The following DHRSX variants were observed in gnomAD, a reference collection of about 807,000 sequenced individuals.
DHRSX encodes the protein polyprenol dehydrogenase.
Under a neutral mutation model 34.0 loss-of-function variants are expected in DHRSX, and 31 were observed. The observed-to-expected ratio is 0.91, with a 90% CI of 0.69 to 1.23. The LOEUF is 1.23. Among genes scored for constraint, DHRSX ranks in the 50% most tolerant of loss-of-function variants. The probability of loss-of-function intolerance (pLI) is 0.00; values close to 1 mark genes in which losing one functional copy is unlikely to be tolerated. For synonymous variants in DHRSX, 201 were observed against 183.8 expected (o/e 1.09, Z -0.76); for missense variants, 414 against 428.1 (o/e 0.97, Z 0.29).
rs142733380 is a variant in DHRSX, at chrX:2,404,812, G to A, written c.286+3933C>T. ...TCGGTCCTTTAAATGTTAATCCGAC[G>A]GGGTCGGTACAAATAAATAATTAAA... On this transcript the variant is annotated intron_variant, in intron 3 of 6. Coordinates refer to ENST00000334651, the MANE Select transcript of DHRSX (RefSeq NM_145177.3). Among the ~76,000 whole-genome samples, 638 of 152,044 alleles carry A rather than the reference G, an allele frequency of 4.2e-3. 8 individuals carry two copies. The highest frequency in any genetic ancestry group is 0.015 in the African/African-American group (611 of 41,442).
At chrX:2,319,721 G>T (rs969221591) in intron 3 of DHRSX, among the ~76,000 whole-genome samples, 1 of 151,900 alleles carries the variant, frequency 6.6e-6, no homozygotes, top group Non-Finnish European at 1.5e-5. Flanking sequence ...TTCCGGTCAA[G>T]AGTACACTAC....
chrX:2,270,505 C>T (rs140984302), intron 4 of DHRSX, among the ~76,000 whole-genome samples: 3,606 of 152,288 alleles, frequency 0.024, 132 homozygotes, highest in African/African-American at 0.082. Context: ...TGTGGATGCA[C>T]AGGCCGCACT....
At chrX:2,288,535 G>C (rs2041831527) in intron 4 of DHRSX, among the ~76,000 whole-genome samples, 1 of 152,288 alleles carries the variant, frequency 6.6e-6, no homozygotes, top group East Asian at 1.9e-4. Context: ...ATCATTGCTG[G>C]CTTTAAGGCC....
At chrX:2,328,415 T>C (rs1397518573) in intron 3 of DHRSX, among the ~76,000 whole-genome samples, 1 of 151,694 alleles carries the variant, frequency 6.6e-6, no homozygotes, top group African/African-American at 2.4e-5. Flanking sequence ...GAGAGAGGCC[T>C]CAGGAGGAAC....
intron 3 of DHRSX, among the ~76,000 whole-genome samples, chrX:2,327,313 G>A (rs989943388): frequency 2.2e-4 from 33 of 152,186 alleles, no homozygotes; most frequent in Non-Finnish European, 4.7e-4. Flanking sequence ...GCCTGACTGT[G>A]GACATGCTCT....
chrX:2,464,796 T>C (rs764892809), intron 1 of DHRSX, among the ~76,000 whole-genome samples: 4 of 149,856 alleles, frequency 2.7e-5, no homozygotes, highest in Non-Finnish European at 5.9e-5. Flanking sequence ...ACCGCTGACA[T>C]GTACACACTG....
chrX:2,468,955 GACC>G (rs2044543620), intron 1 of DHRSX, among the ~76,000 whole-genome samples: 1 of 151,972 alleles, frequency 6.6e-6, no homozygotes, highest in Non-Finnish European at 1.5e-5. Context: ...GTGGCTCAGG[GACC>G]ACCACCATGT....
intron 1 of DHRSX, among the ~76,000 whole-genome samples, chrX:2,442,214 G>A (rs1038056578): frequency 1.4e-4 from 21 of 151,698 alleles, no homozygotes; most frequent in Admixed American, 4.0e-4. Context: ...ACTACTCATC[G>A]AGTGGAAGTG....
At chrX:2,262,689 C>A (rs1259775723) in intron 5 of DHRSX, among the ~76,000 whole-genome samples, 7 of 152,248 alleles carry the variant, frequency 4.6e-5, no homozygotes, top group African/African-American at 1.7e-4. Context: ...TCCTCTCACC[C>A]GCCCTTCCCT....
intron 3 of DHRSX, among the ~76,000 whole-genome samples, chrX:2,326,682 T>C (rs1389984267): frequency 6.6e-6 from 1 of 152,166 alleles, no homozygotes; most frequent in Non-Finnish European, 1.5e-5. Flanking sequence ...CTTTGCAATA[T>C]TCCTAGGGAG....
chrX:2,478,096 C>A (rs931668374), intron 1 of DHRSX, among the ~76,000 whole-genome samples: 8 of 152,164 alleles, frequency 5.3e-5, no homozygotes, highest in Admixed American at 3.3e-4. Context: ...TTCCAGAAAG[C>A]AAATGAAGCC....
intron 1 of DHRSX, among the ~76,000 whole-genome samples, chrX:2,437,412 T>A (rs2044005443): frequency 6.6e-6 from 1 of 152,096 alleles, no homozygotes. Flanking sequence ...AAGACCAGCC[T>A]GACCAACATA....
At position 2,362,534 on chromosome X, in the gene DHRSX, C is replaced by T. The variant is rs754267279; in HGVS notation, c.286+46211G>A. 3.9e-5 allele frequency among the ~76,000 whole-genome samples: 6 copies of T among 152,270 alleles called. No homozygotes were observed. In the East Asian group the frequency reaches 1.2e-3, roughly 29 times the overall value. ...CAGACTGGCCTCGAAATCCTGACCT[C>T]GTGATCCGCCCACCACAGCCTCCCA... On this transcript the variant is annotated intron_variant, in intron 3 of 6. Coordinates refer to ENST00000334651, the MANE Select transcript of DHRSX (RefSeq NM_145177.3).
At chrX:2,238,553 C>G (rs180792961) in intron 6 of DHRSX, among the ~76,000 whole-genome samples, 1 of 151,880 alleles carries the variant, frequency 6.6e-6, no homozygotes, top group East Asian at 1.9e-4. Flanking sequence ...TCCCCAGGGA[C>G]CCTGGACAGA....
At chrX:2,376,546 T>C (rs2043142395) in intron 3 of DHRSX, among the ~76,000 whole-genome samples, 1 of 137,450 alleles carries the variant, frequency 7.3e-6, no homozygotes, top group Non-Finnish European at 1.7e-5. Context: ...ACCCAGAACC[T>C]AGGAATGAAA....
intron 1 of DHRSX, among the ~76,000 whole-genome samples, chrX:2,495,247 A>G (rs1439334414): frequency 6.6e-6 from 1 of 151,402 alleles, no homozygotes. Flanking sequence ...ACGTTCCAGG[A>G]CGTGAAGCAA....
intron 3 of DHRSX, among the ~76,000 whole-genome samples, chrX:2,337,334 T>C (rs1208743191): frequency 6.6e-6 from 1 of 152,156 alleles, no homozygotes; most frequent in Non-Finnish European, 1.5e-5. Context: ...TGTTTGGCTC[T>C]GAGAAGCACT....
intron 5 of DHRSX, among the ~76,000 whole-genome samples, chrX:2,243,810 T>TTTTTTG (rs2016212485): frequency 9.2e-5 from 10 of 108,180 alleles, no homozygotes; most frequent in African/African-American, 3.4e-4. Context: ...TTTTTTTTTT[T>TTTTTTG]TTTTTTTTTT....
At chrX:2,283,503 G>A (rs180777890) in intron 4 of DHRSX, among the ~76,000 whole-genome samples, 1 of 152,158 alleles carries the variant, frequency 6.6e-6, no homozygotes. Context: ...AGGGAGACCA[G>A]ATGACTGTGG....
Sources: allele counts gnomAD v4.1 joint callset (sites outside exome capture counted in the v4.1 genomes callset), GRCh38; gene constraint gnomAD v4.1.1; transcripts MANE v1.5; gene names NCBI Gene and HGNC (gene_info 2026-07-23, HGNC 2026-07-21).